The following DYM variants were observed in gnomAD, a reference collection of about 807,000 sequenced individuals.
DYM encodes the protein dyggve-Melchior-Clausen syndrome protein.
In DYM, 78 loss-of-function variants were observed where a neutral mutation model predicts 93.1. The ratio of observed to expected loss-of-function variants is 0.84; its 90% CI spans 0.70 to 1.01. The LOEUF (loss-of-function observed/expected upper bound fraction) is 1.01, where lower values mean the gene tolerates loss of function less well. Ranked by LOEUF, DYM falls within the 50% of genes least tolerant of loss-of-function variation. The probability of loss-of-function intolerance (pLI) is 0.00; values close to 1 mark genes in which losing one functional copy is unlikely to be tolerated. For missense variants in DYM, 789 were observed against 845.0 expected, an observed-to-expected ratio of 0.93 and a Z score of 0.82; for synonymous variants, 321 against 319.7, an observed-to-expected ratio of 1.00 and a Z score of -0.04.
chr18:49,093,972 A>G (rs987961284), intron 17 of DYM, among the ~76,000 whole-genome samples: 1 of 152,248 alleles, frequency 6.6e-6, no homozygotes, highest in Admixed American at 6.5e-5. Context: ...TGAAACTGGT[A>G]ATTACTTTTA....
chr18:49,064,091 A>C (rs1326670714), intron 17 of DYM, among the ~76,000 whole-genome samples: 1 of 152,240 alleles, frequency 6.6e-6, no homozygotes, highest in Admixed American at 6.5e-5. Context: ...TCCCAAAAGG[A>C]CTAGCCTTCT....
At chr18:49,075,421 T>C (rs1323515351) in intron 17 of DYM, among the ~76,000 whole-genome samples, 2 of 152,190 alleles carry the variant, frequency 1.3e-5, no homozygotes, top group Non-Finnish European at 1.5e-5. Flanking sequence ...CTTATCCCTC[T>C]CTTCAGATTT....
chr18:49,056,279 C>T (rs2075469716), intron 17 of DYM, among the ~76,000 whole-genome samples: 1 of 152,160 alleles, frequency 6.6e-6, no homozygotes, highest in South Asian at 2.1e-4. Flanking sequence ...TTCATTGACA[C>T]TGTCAGAGTA....
intron 2 of DYM, among the ~76,000 whole-genome samples, chr18:49,417,072 G>C (rs968442332): frequency 9.9e-5 from 15 of 152,102 alleles, no homozygotes; most frequent in African/African-American, 3.1e-4. Context: ...AGCATTACTA[G>C]AAGTCATCTG....
chr18:49,179,656 T>C (rs1357205542), intron 14 of DYM, among the ~76,000 whole-genome samples: 1 of 152,118 alleles, frequency 6.6e-6, no homozygotes, highest in Admixed American at 6.6e-5. Flanking sequence ...TTTAGAGAAA[T>C]CATTGTCAAC....
chr18:49,213,399 C>G (rs574697925), intron 13 of DYM, among the ~76,000 whole-genome samples: 3 of 151,564 alleles, frequency 2.0e-5, no homozygotes, highest in Admixed American at 2.0e-4. Flanking sequence ...CGGGTTCAAG[C>G]AATTCTACCG....
chr18:49,459,192 C>T (rs2083265484), intron 1 of DYM, among the ~76,000 whole-genome samples: 1 of 152,224 alleles, frequency 6.6e-6, no homozygotes. Flanking sequence ...CCACTTGCGA[C>T]TGATAGTTTC....
chr18:49,397,231 T>G (rs1483068787), intron 2 of DYM, among the ~76,000 whole-genome samples: 2 of 152,222 alleles, frequency 1.3e-5, no homozygotes, highest in East Asian at 3.8e-4. Flanking sequence ...TAACTATTAT[T>G]GATTCCAAAA....
At chr18:49,130,838 CT>C (rs2083315317) in intron 15 of DYM, among the ~76,000 whole-genome samples, 1 of 152,048 alleles carries the variant, frequency 6.6e-6, no homozygotes, top group Admixed American at 6.6e-5. Context: ...TATGGGAGCA[CT>C]TGGAATAGGG....
chr18:49,240,245 A>G (rs1460548122), intron 13 of DYM, among the ~76,000 whole-genome samples: 2 of 152,200 alleles, frequency 1.3e-5, no homozygotes, highest in Admixed American at 6.5e-5. Flanking sequence ...CTGAAAGGGC[A>G]TTAGAGTGCT....
intron 11 of DYM, among the ~76,000 whole-genome samples, chr18:49,259,591 A>G (rs2094458319): frequency 6.6e-6 from 1 of 152,222 alleles, no homozygotes; most frequent in African/African-American, 2.4e-5. Flanking sequence ...TATTTTAAAG[A>G]TAACTGGAAA....
At chr18:49,377,939 G>A (rs554163834) in intron 5 of DYM, among the ~76,000 whole-genome samples, 2 of 152,216 alleles carry the variant, frequency 1.3e-5, no homozygotes, top group Non-Finnish European at 2.9e-5. Flanking sequence ...TCAGCCTGAT[G>A]AGGGCAGAGA....
chr18:49,136,472 A>G (rs2083861964), intron 15 of DYM, among the ~76,000 whole-genome samples: 1 of 152,168 alleles, frequency 6.6e-6, no homozygotes, highest in Non-Finnish European at 1.5e-5. Context: ...CTTAATATGT[A>G]TAATATTTAT....
intron 10 of DYM, among the ~76,000 whole-genome samples, chr18:49,274,765 T>TA (rs1314539791): frequency 6.6e-6 from 1 of 152,208 alleles, no homozygotes; most frequent in Non-Finnish European, 1.5e-5. Context: ...GGTGTATTAC[T>TA]AGCTATTTGT....
intron 11 of DYM, among the ~76,000 whole-genome samples, chr18:49,263,978 C>T (rs981443833): frequency 3.3e-5 from 5 of 152,078 alleles, no homozygotes; most frequent in Non-Finnish European, 5.9e-5. Context: ...CCACTGTATC[C>T]ATCACCTAGA....
chr18:49,459,845 C>G (rs888960741), intron 1 of DYM, among the ~76,000 whole-genome samples: 6 of 150,316 alleles, frequency 4.0e-5, no homozygotes, highest in African/African-American at 1.5e-4. Context: ...AAATCCACGG[C>G]GACTGAAAGT....
intron 9 of DYM, among the ~76,000 whole-genome samples, chr18:49,285,700 T>C (rs952964478): frequency 6.6e-6 from 1 of 152,206 alleles, no homozygotes; most frequent in South Asian, 2.1e-4. Context: ...AGCGACAAAA[T>C]TGCCTAATGG....
chr18:49,444,662 A>G (rs1448703075), intron 1 of DYM, among the ~76,000 whole-genome samples: 1 of 152,200 alleles, frequency 6.6e-6, no homozygotes, highest in Non-Finnish European at 1.5e-5. Context: ...AGAAACGAAC[A>G]TTCCACATTT....
At chr18:49,354,379 A>T (rs562705295) in intron 6 of DYM, among the ~76,000 whole-genome samples, 8 of 152,226 alleles carry the variant, frequency 5.3e-5, no homozygotes, top group African/African-American at 9.6e-5. Flanking sequence ...TTAAAATTTT[A>T]AAATTTAAAG....
Sources: gnomAD v4.1 joint callset for allele counts (sites outside exome capture counted in the v4.1 genomes callset) on GRCh38, gnomAD v4.1.1 for gene constraint, MANE v1.5 for transcripts, NCBI Gene and HGNC (gene_info 2026-07-23, HGNC 2026-07-21) for gene names.